Variants in PITPNC1 observed in about 807,000 individuals in gnomAD.
The protein encoded by PITPNC1 is cytoplasmic phosphatidylinositol transfer protein 1.
A neutral mutation model predicts 44.7 loss-of-function variants in PITPNC1; 18 were observed. The observed-to-expected ratio is 0.40, with a 90% CI of 0.28 to 0.60. PITPNC1 has a LOEUF of 0.60. Among genes scored for constraint, PITPNC1 ranks in the 20% least tolerant of loss-of-function variants. The probability of loss-of-function intolerance (pLI) is 0.39; values close to 1 mark genes in which losing one functional copy is unlikely to be tolerated. For missense variants in PITPNC1, 290 were observed against 418.4 expected (o/e 0.69, Z 2.68); for synonymous variants, 141 against 149.6 (o/e 0.94, Z 0.42).
intron 1 of PITPNC1, 111 bp from the exon 2 acceptor site, chr17:67,532,691 T>C (rs1409309522): frequency 8.7e-6 from 7 of 804,842 alleles, no homozygotes; most frequent in Admixed American, 5.3e-5. Context: ...CTGCCTTCTC[T>C]TCTCAGCAGA....
rs113879097 is a variant in PITPNC1 at position 67,657,846 on chromosome 17, C to T, written c.463-11662C>T. Among the ~76,000 whole-genome samples, 194 of 152,302 alleles carry T rather than the reference C, an allele frequency of 1.3e-3. 1 individual carries two copies. Among genetic ancestry groups the T allele is most frequent in the African/African-American group, 4.5e-3 (189 of 41,558 alleles). ...CTGAACTGAAGTGAGCTGTCAGTCCCGACAATTCTCAACTGCTTTGGAAAT... is the reference window on the plus strand; with the variant it reads ...CTGAACTGAAGTGAGCTGTCAGTCCTGACAATTCTCAACTGCTTTGGAAAT... On this transcript the variant is annotated intron_variant, in intron 6 of 8. Transcript: ENST00000581322.
chr17:67,574,401 G>A (rs922064449), intron 4 of PITPNC1, among the ~76,000 whole-genome samples: 1 of 152,202 alleles, frequency 6.6e-6, no homozygotes, highest in Non-Finnish European at 1.5e-5. Flanking sequence ...ATGTGTCAGT[G>A]TTTCTATCAT....
chr17:67,576,073 C>T (rs536705197), intron 4 of PITPNC1, among the ~76,000 whole-genome samples: 24 of 151,924 alleles, frequency 1.6e-4, no homozygotes, highest in Admixed American at 3.9e-4. Flanking sequence ...GACGGGGTTT[C>T]GCCATGGTGG....
intron 1 of PITPNC1, among the ~76,000 whole-genome samples, chr17:67,445,589 C>G (rs1209236331): frequency 6.6e-6 from 1 of 152,000 alleles, no homozygotes; most frequent in Non-Finnish European, 1.5e-5. Context: ...GTGACAGGTG[C>G]ATTTAAAGAA....
At chr17:67,641,608 G>A (rs1300523696) in intron 6 of PITPNC1, among the ~76,000 whole-genome samples, 2 of 151,816 alleles carry the variant, frequency 1.3e-5, no homozygotes, top group African/African-American at 4.8e-5. Flanking sequence ...ACCCACCTAG[G>A]CAACATGGCA....
intron 8 of PITPNC1, 100 bp from the exon 9 acceptor site, chr17:67,692,472 T>C: frequency 1.2e-6 from 1 of 820,618 alleles, no homozygotes; most frequent in East Asian, 2.4e-5. Flanking sequence ...CCCTTTATGA[T>C]AGGGTTCCCA....
intron 5 of PITPNC1, among the ~76,000 whole-genome samples, chr17:67,588,083 A>C (rs2041345523): frequency 1.3e-5 from 2 of 152,150 alleles, no homozygotes. Flanking sequence ...ACCTCACTAC[A>C]ATCTCTACCT....
intron 1 of PITPNC1, among the ~76,000 whole-genome samples, chr17:67,382,869 G>A (rs1288336613): frequency 6.6e-6 from 1 of 151,630 alleles, no homozygotes; most frequent in Admixed American, 6.6e-5. Flanking sequence ...CAGGCGATCC[G>A]CCCACTTTGG....
At chr17:67,513,950 A>G (rs1033398391) in intron 1 of PITPNC1, among the ~76,000 whole-genome samples, 1 of 151,836 alleles carries the variant, frequency 6.6e-6, no homozygotes, top group Non-Finnish European at 1.5e-5. Context: ...ATTGTGCACA[A>G]TTCTGTGCTC....
intron 1 of PITPNC1, among the ~76,000 whole-genome samples, chr17:67,519,171 G>GTTTTTTTTTTTTTTTTTTTTTTTTTTTTT (rs563294178): frequency 1.3e-5 from 1 of 78,752 alleles, no homozygotes. Context: ...GCAGCATTCT[G>GTTTTTTTTTTTTTTTTTTTTTTTTTTTTT]TTTTTTTTTT....
rs1435711420 is a variant in PITPNC1 at position 67,454,845 on chromosome 17, G to T, written c.48+76643G>T. ...CTTTTTTTTTTTTTTTTTGAGTCAG[G>T]GTCTCACTGTGTCACCCAGGCTGGA... On this transcript the variant is annotated intron_variant, in intron 1 of 8. Coordinates refer to ENST00000581322, the MANE Select transcript of PITPNC1 (RefSeq NM_012417.4). Among the ~76,000 whole-genome samples, 3 of 146,476 alleles carry T rather than the reference G, an allele frequency of 2.0e-5. No individual in the cohort carries two copies. In the East Asian group the frequency reaches 5.9e-4, roughly 29 times the overall value.
At chr17:67,532,659 A>G in intron 1 of PITPNC1, 143 bp from the exon 2 acceptor site, 1 of 562,280 alleles carries the variant, frequency 1.8e-6, no homozygotes. Flanking sequence ...TCCCGAGGAA[A>G]AGTAACATGA....
chr17:67,681,249 C>T (rs1352100511), intron 8 of PITPNC1, among the ~76,000 whole-genome samples: 1 of 151,986 alleles, frequency 6.6e-6, no homozygotes, highest in African/African-American at 2.4e-5. Context: ...AGCTAAAAGA[C>T]TAGGGGAAAA....
chr17:67,412,928 C>A (rs192136524), intron 1 of PITPNC1, among the ~76,000 whole-genome samples: 181 of 152,286 alleles, frequency 1.2e-3, no homozygotes, highest in African/African-American at 4.1e-3. Context: ...AAGTTACTTT[C>A]TAGTTCTTAT....
At chr17:67,462,893 G>A (rs1420067690) in intron 1 of PITPNC1, among the ~76,000 whole-genome samples, 3 of 151,964 alleles carry the variant, frequency 2.0e-5, no homozygotes, top group African/African-American at 7.2e-5. Context: ...GTAGAGGCGG[G>A]GTTTCTGCAT....
intron 5 of PITPNC1, among the ~76,000 whole-genome samples, chr17:67,622,684 A>T (rs2041849057): frequency 6.6e-6 from 1 of 151,870 alleles, no homozygotes; most frequent in South Asian, 2.1e-4. Flanking sequence ...GTTCGAGACC[A>T]GGCCAACATG....
intron 5 of PITPNC1, among the ~76,000 whole-genome samples, chr17:67,601,070 C>A (rs1003045120): frequency 5.9e-5 from 9 of 152,072 alleles, no homozygotes; most frequent in African/African-American, 2.2e-4. Context: ...GTGTAGTTTG[C>A]CCAAGGTCAC....
At position 67,438,067 on chromosome 17, in the gene PITPNC1, CAAAAAAAG is replaced by C. The variant is rs1346554317; in HGVS notation, c.48+59881_48+59888del. Among the ~76,000 whole-genome samples the C allele has an allele frequency of 5.7e-5, 8 of 139,238 alleles. No homozygotes were observed. In the East Asian group the frequency reaches 1.0e-3, roughly 18 times the overall value. 91.3% of individuals were successfully genotyped at this position (139,238 alleles called of 152,430 possible). On this transcript the variant is annotated intron_variant, in intron 1 of 8. Transcript: ENST00000581322. ...TGGGCGGCAGAGCGAGACTCTGTCT[CAAAAAAAG>C]AAAAAAAGAAAAAAAAAGAAGAGAA...
chr17:67,479,125 A>G (rs764654522), intron 1 of PITPNC1, among the ~76,000 whole-genome samples: 1 of 151,892 alleles, frequency 6.6e-6, no homozygotes, highest in Non-Finnish European at 1.5e-5. Flanking sequence ...CCCCAACCCT[A>G]CCTTTCCTGA....
Sources: gnomAD v4.1 joint callset for allele counts (sites outside exome capture counted in the v4.1 genomes callset) on GRCh38, gnomAD v4.1.1 for gene constraint, MANE v1.5 for transcripts, NCBI Gene and HGNC (gene_info 2026-07-23, HGNC 2026-07-21) for gene names.